The following ANKS1B variants were observed in gnomAD, a reference collection of about 807,000 sequenced individuals.
The protein encoded by ANKS1B is ankyrin repeat and sterile alpha motif domain containing 1B, also known as ankyrin repeat and sterile alpha motif domain-containing protein 1B.
In ANKS1B, 36 loss-of-function variants were observed where a neutral mutation model predicts 148.3. That is an observed-to-expected ratio of 0.24 (90% CI 0.19 to 0.32). The LOEUF (loss-of-function observed/expected upper bound fraction) is 0.32, where lower values mean the gene tolerates loss of function less well. Among genes scored for constraint, ANKS1B ranks in the 10% least tolerant of loss-of-function variants. The pLI is 1.00. For synonymous variants in ANKS1B, 542 were observed against 560.8 expected, an observed-to-expected ratio of 0.97 and a Z score of 0.47; for missense variants, 1,157 against 1,542.6, an observed-to-expected ratio of 0.75 and a Z score of 4.19.
At position 99,850,281 on chromosome 12, in the gene ANKS1B, GTCTCTCTCTC is replaced by G. The variant is rs71436968; in HGVS notation, c.135-24902_135-24893del. ...TTGAGAAAACAGCAGAAGCAAGAAA[GTCTCTCTCTC>G]TCTCTCTCTCTCTCTCTCTCTCTCT... On this transcript the variant is annotated intron_variant, in intron 1 of 26. Coordinates refer to ENST00000683438, the MANE Select transcript of ANKS1B (RefSeq NM_001352186.2). Among the ~76,000 whole-genome samples, 125 of 114,256 alleles carry G rather than the reference GTCTCTCTCTC, an allele frequency of 1.1e-3. 2 individuals carry two copies. The East Asian group carries it at 0.023, about 21-fold the overall frequency. 75.0% of individuals were successfully genotyped at this position (114,256 alleles called of 152,430 possible).
intron 14 of ANKS1B, among the ~76,000 whole-genome samples, chr12:99,190,308 A>G (rs2080482942): frequency 6.6e-6 from 1 of 152,218 alleles, no homozygotes; most frequent in Non-Finnish European, 1.5e-5. Context: ...TCAAGGTATC[A>G]TTGACTTTCT....
At chr12:99,947,455 A>C (rs920873573) in intron 1 of ANKS1B, among the ~76,000 whole-genome samples, 10 of 152,162 alleles carry the variant, frequency 6.6e-5, no homozygotes, top group Non-Finnish European at 1.0e-4. Flanking sequence ...AGTGAGTTTA[A>C]ATCATTGAGT....
chr12:99,378,585 G>A (rs2093490318), intron 12 of ANKS1B, among the ~76,000 whole-genome samples: 2 of 150,760 alleles, frequency 1.3e-5, no homozygotes, highest in South Asian at 4.2e-4. Flanking sequence ...AACCTGGGAG[G>A]CGGAGGTTGC....
chr12:99,418,838 A>G (rs12321361), intron 11 of ANKS1B, among the ~76,000 whole-genome samples: 26,376 of 152,082 alleles, frequency 0.17, 2,767 homozygotes, highest in African/African-American at 0.3. Context: ...CTATTCTTTT[A>G]AGAGGTCTTA....
intron 17 of ANKS1B, among the ~76,000 whole-genome samples, chr12:99,031,783 C>A (rs1161344645): frequency 6.6e-6 from 1 of 152,178 alleles, no homozygotes; most frequent in African/African-American, 2.4e-5. Flanking sequence ...CTAACAAGTG[C>A]CCATTTCCAT....
chr12:99,113,064 C>T (rs909067670), intron 15 of ANKS1B, among the ~76,000 whole-genome samples: 1 of 152,178 alleles, frequency 6.6e-6, no homozygotes, highest in African/African-American at 2.4e-5. Context: ...TTTATTGGCT[C>T]TTTAAAATGT....
At chr12:98,873,762 C>T (rs1001416901) in intron 17 of ANKS1B, among the ~76,000 whole-genome samples, 3 of 152,162 alleles carry the variant, frequency 2.0e-5, no homozygotes, top group South Asian at 2.1e-4. Context: ...AAAAGACAGT[C>T]GTCGTCCTAG....
intron 15 of ANKS1B, among the ~76,000 whole-genome samples, chr12:99,148,410 T>C (rs530286468): frequency 3.3e-5 from 5 of 151,958 alleles, no homozygotes; most frequent in Non-Finnish European, 2.9e-5. Flanking sequence ...ATTTGAATCA[T>C]GGCAATTTTT....
At chr12:99,854,005 GTTTGT>G (rs922060888) in intron 1 of ANKS1B, among the ~76,000 whole-genome samples, 11 of 152,056 alleles carry the variant, frequency 7.2e-5, no homozygotes, top group Non-Finnish European at 1.3e-4. Flanking sequence ...TTTTTTGTTT[GTTTGT>G]TTTGTTTTGT....
intron 17 of ANKS1B, among the ~76,000 whole-genome samples, chr12:98,869,832 A>T (rs1392949376): frequency 6.6e-6 from 1 of 152,150 alleles, no homozygotes; most frequent in Admixed American, 6.5e-5. Context: ...AATACTGAAA[A>T]CATGAAAAAC....
At chr12:99,008,154 C>A (rs180752071) in intron 17 of ANKS1B, among the ~76,000 whole-genome samples, 2 of 152,106 alleles carry the variant, frequency 1.3e-5, no homozygotes, top group African/African-American at 2.4e-5. Flanking sequence ...TGTTTCCCCT[C>A]GAGCTTTGGG....
chr12:99,560,305 C>T (rs1185020885), intron 9 of ANKS1B, among the ~76,000 whole-genome samples: 1 of 152,058 alleles, frequency 6.6e-6, no homozygotes, highest in Non-Finnish European at 1.5e-5. Flanking sequence ...CTGAATACCA[C>T]ACGTTACCTC....
chr12:99,429,855 T>A (rs2095335050), intron 11 of ANKS1B, among the ~76,000 whole-genome samples: 1 of 151,852 alleles, frequency 6.6e-6, no homozygotes, highest in Admixed American at 6.6e-5. Flanking sequence ...TCCCAGCTAC[T>A]CGGGCAGCTG....
rs570879306 is a variant in ANKS1B at position 99,205,466 on chromosome 12, A to C, written c.2419+38876T>G. ...GTTGTTGAAACTTAATCTTTTGACA[A>C]TTCTGGCAACCAACAAAGGGACCCA... On this transcript the variant is annotated intron_variant, in intron 14 of 26. Transcript: ENST00000683438. 5.3e-5 allele frequency among the ~76,000 whole-genome samples: 8 copies of C among 152,258 alleles called. No homozygotes were observed. The East Asian group carries it at 1.4e-3, about 26-fold the overall frequency.
chr12:99,769,217 G>A (rs1024412841), intron 8 of ANKS1B, among the ~76,000 whole-genome samples: 4 of 152,082 alleles, frequency 2.6e-5, no homozygotes, highest in Non-Finnish European at 4.4e-5. Context: ...TCTCAGACCT[G>A]AATTACCTCA....
chr12:99,039,781 C>T (rs1391201072), intron 17 of ANKS1B, among the ~76,000 whole-genome samples: 1 of 152,248 alleles, frequency 6.6e-6, no homozygotes, highest in Non-Finnish European at 1.5e-5. Flanking sequence ...TGCTGGTGCG[C>T]TGCACCCACT....
At position 99,292,201 on chromosome 12, in the gene ANKS1B, C is replaced by T. The variant is rs547201753; in HGVS notation, c.1757-45337G>A. ...AGCTTCTGCACGGCAAAAGAAACTA[C>T]CATCAGATTGGCTGGGCATGGTGGC... On this transcript the variant is annotated intron_variant, in intron 12 of 26. Coordinates refer to ENST00000683438, the MANE Select transcript of ANKS1B (RefSeq NM_001352186.2). 7.9e-5 allele frequency among the ~76,000 whole-genome samples: 12 copies of T among 151,904 alleles called. No individual in the cohort carries two copies. In the South Asian group the frequency reaches 2.5e-3, roughly 32 times the overall value.
chr12:99,915,350 A>G (rs17029861), intron 1 of ANKS1B, among the ~76,000 whole-genome samples: 29,506 of 152,054 alleles, frequency 0.19, 3,096 homozygotes, highest in Non-Finnish European at 0.24. Flanking sequence ...TGTCATTAGA[A>G]CTGAGAGCAC....
rs555497708 is a variant in ANKS1B at position 99,246,839 on chromosome 12, A to G, written c.1782T>C (p.Asn594=). Residue 594 remains asparagine, a synonymous_variant, in exon 13 of 27, where the codon AAT becomes AAC. Coordinates refer to ENST00000683438, the MANE Select transcript of ANKS1B (RefSeq NM_001352186.2). ...HTDDLSRQDD[N]DPPKEYDPGQ... ...CAGGATCATATTCTTTTGGGGGATC[A>G]TTGTCATCCTGTCGGGAGAGGTCAT... The G allele has an allele frequency of 1.2e-6, 2 of 1,600,398 alleles. No individual in the cohort carries two copies. The highest frequency in any genetic ancestry group is 2.2e-5 in the East Asian group (1 of 44,820).
Sources: allele counts gnomAD v4.1 joint callset (sites outside exome capture counted in the v4.1 genomes callset), GRCh38; gene constraint gnomAD v4.1.1; transcripts MANE v1.5; gene names NCBI Gene and HGNC (gene_info 2026-07-23, HGNC 2026-07-21).